USP34: variants seen among roughly 807,000 people sequenced by gnomAD.
USP34 encodes the protein ubiquitin carboxyl-terminal hydrolase 34.
A neutral mutation model predicts 460.3 loss-of-function variants in USP34; 70 were observed. The observed-to-expected ratio is 0.15, with a 90% CI of 0.13 to 0.19. The LOEUF (loss-of-function observed/expected upper bound fraction) is 0.19. Among genes scored for constraint, USP34 ranks in the 10% least tolerant of loss-of-function variants. USP34 has a pLI of 1.00. For synonymous variants in USP34, 1,647 were observed against 1,405.3 expected, an observed-to-expected ratio of 1.17 and a Z score of -3.85; for missense variants, 3,985 against 4,236.2, an observed-to-expected ratio of 0.94 and a Z score of 1.65.
At chr2:61,342,072 T>C (rs1387528323) in intron 16 of USP34, among the ~76,000 whole-genome samples, 1 of 152,074 alleles carries the variant, frequency 6.6e-6, no homozygotes, top group Non-Finnish European at 1.5e-5. Context: ...GATTTCTTTA[T>C]AGCAACACAA....
At chr2:61,229,378 T>G (rs144066402) in intron 59 of USP34, among the ~76,000 whole-genome samples, 170 bp downstream of exon 59, 3 of 149,916 alleles carry the variant, frequency 2.0e-5, no homozygotes, top group Non-Finnish European at 4.4e-5. Flanking sequence ...TCCTAGCAAT[T>G]TGGGAGGCCG....
Position 61,339,396 on chromosome 2 carries a change from C to A in USP34, c.2699G>T (p.Arg900Leu). Residue 900 changes from arginine (R) to leucine (L), a missense_variant, in exon 18 of 80, where the codon CGA (arginine) becomes CTA (leucine). Arg to Leu is a moderately radical substitution (Grantham distance 102). Coordinates refer to ENST00000398571, the MANE Select transcript of USP34 (RefSeq NM_014709.4). ...AAGGCAACCTTCAATGAATCTCATT[C>A]GAATTTGTCTATCTGTAAACCAACA... is the stretch of plus-strand genomic sequence containing the variant. Reference protein sequence around the residue: ...LVCWFTDRQIRMRFIEGCLEN... With the variant: ...LVCWFTDRQILMRFIEGCLEN... 1.2e-6 allele frequency: 2 copies of A among 1,609,148 alleles called. No individual in the cohort carries two copies. The highest frequency in any genetic ancestry group is 1.7e-6 in the Non-Finnish European group (2 of 1,178,014).
chr2:61,410,749 A>G (rs1219745375), intron 2 of USP34, among the ~76,000 whole-genome samples: 1 of 152,226 alleles, frequency 6.6e-6, no homozygotes, highest in Admixed American at 6.5e-5. Context: ...AGAAGATGAC[A>G]GCTATCAACA....
At chr2:61,400,846 CCT>C (rs1230465495) in intron 3 of USP34, among the ~76,000 whole-genome samples, 1 of 151,868 alleles carries the variant, frequency 6.6e-6, no homozygotes, top group Non-Finnish European at 1.5e-5. Flanking sequence ...AGAGGAAGAC[CCT>C]GATTCAAAAA....
At chr2:61,271,604 GA>G (rs1414033780) in intron 41 of USP34, among the ~76,000 whole-genome samples, 1 of 151,994 alleles carries the variant, frequency 6.6e-6, no homozygotes, top group Non-Finnish European at 1.5e-5. Flanking sequence ...AGGAAAAAAG[GA>G]AGAAAAAGGA....
chr2:61,204,151 C>T (rs535508336), intron 74 of USP34, 105 bp downstream of exon 74: 11 of 1,437,994 alleles, frequency 7.6e-6, no homozygotes, highest in Non-Finnish European at 9.5e-6. Flanking sequence ...TCTTAGGATC[C>T]ACAAAATTGG....
At chr2:61,334,566 C>G (rs549811848) in intron 18 of USP34, among the ~76,000 whole-genome samples, 2 of 152,220 alleles carry the variant, frequency 1.3e-5, no homozygotes, top group Admixed American at 6.5e-5. Context: ...TTATTTTAAT[C>G]TTAGAAGCCA....
At chr2:61,248,122 G>A (rs1688469155) in intron 49 of USP34, among the ~76,000 whole-genome samples, 1 of 145,216 alleles carries the variant, frequency 6.9e-6, no homozygotes, top group African/African-American at 2.5e-5. Context: ...GGGAGGTGGA[G>A]TGAGCCAAGA....
chr2:61,297,499 C>CA (rs1215633884), intron 29 of USP34, among the ~76,000 whole-genome samples: 1 of 152,096 alleles, frequency 6.6e-6, no homozygotes, highest in African/African-American at 2.4e-5. Flanking sequence ...AACAACGTTT[C>CA]AAAAACCACT....
At chr2:61,347,711 A>G (rs1691814999) in intron 15 of USP34, among the ~76,000 whole-genome samples, 159 bp downstream of exon 15, 1 of 152,192 alleles carries the variant, frequency 6.6e-6, no homozygotes, top group South Asian at 2.1e-4. Flanking sequence ...AATGTGCCCA[A>G]TAGAAAACTT....
chr2:61,343,072 T>G (rs1357560721), intron 16 of USP34, among the ~76,000 whole-genome samples: 2 of 152,220 alleles, frequency 1.3e-5, no homozygotes, highest in African/African-American at 2.4e-5. Context: ...CTAAGTGTGT[T>G]TATGGCCTCT....
chr2:61,400,960 G>T (rs1693698727), intron 3 of USP34, among the ~76,000 whole-genome samples: 2 of 151,914 alleles, frequency 1.3e-5, no homozygotes, highest in African/African-American at 4.8e-5. Flanking sequence ...GACCATCCTG[G>T]CCAACATGGT....
chr2:61,435,676 G>T (rs754637168), intron 1 of USP34, among the ~76,000 whole-genome samples: 6 of 152,118 alleles, frequency 3.9e-5, no homozygotes, highest in Non-Finnish European at 5.9e-5. Flanking sequence ...AATGGCAGGA[G>T]TAAGTCCTCA....
At chr2:61,350,795 C>T in intron 10 of USP34, 102 bp from the exon 11 acceptor site, 4 of 1,241,726 alleles carry the variant, frequency 3.2e-6, no homozygotes, top group Non-Finnish European at 4.4e-6. Context: ...GGCCAGTACA[C>T]TAATATTTTT....
At position 61,223,300 on chromosome 2, in the gene USP34, A is replaced by C; in HGVS notation, c.7596-4T>G. 6.2e-7 allele frequency: 1 copy of C among 1,613,270 alleles called. No individual in the cohort carries two copies. Among genetic ancestry groups the C allele is most frequent in the South Asian group, 1.1e-5 (1 of 90,842 alleles). On this transcript the variant is annotated splice_polypyrimidine_tract_variant and splice_region_variant and intron_variant, in intron 62 of 79. Coordinates refer to ENST00000398571, the MANE Select transcript of USP34 (RefSeq NM_014709.4). ...AGTCTGTGATAATGTCAAATGCCTG[A>C]AAGAAAATATTAGTGGAAATAAGTT...
At position 61,447,253 on chromosome 2, in the gene USP34, CCAAAAAAAAAAAAA is replaced by C. The variant is rs1455499369; in HGVS notation, c.43+23383_43+23396del. On this transcript the variant is annotated intron_variant, in intron 1 of 79. Transcript: ENST00000398571. ...CTGGGCAACAGAGTGAAACTGTCTTCCAAAAAAAAAAAAAAAAAAAAAAAAAAAACCAGAAAACA... is the reference window on the plus strand; with the variant it reads ...CTGGGCAACAGAGTGAAACTGTCTTCAAAAAAAAAAAAAAACCAGAAAACA... Among the ~76,000 whole-genome samples the C allele has an allele frequency of 2.4e-4, 7 of 29,718 alleles. 1 individual carries two copies. Among genetic ancestry groups the C allele is most frequent in the Middle Eastern group, 0.036 (1 of 28 alleles). The allele number at this position is 29,718 out of a possible 152,430, so 19.5% of individuals were successfully genotyped here.
chr2:61,268,203 T>A (rs377045915), intron 41 of USP34, among the ~76,000 whole-genome samples: 1 of 152,006 alleles, frequency 6.6e-6, no homozygotes, highest in Non-Finnish European at 1.5e-5. Flanking sequence ...AAAAGAACTG[T>A]TGTCTTAGTC....
intron 44 of USP34, 45 bp downstream of exon 44, chr2:61,259,666 A>G (rs1454327934): frequency 6.3e-7 from 1 of 1,584,102 alleles, no homozygotes; most frequent in Non-Finnish European, 8.6e-7. Context: ...AATTACAGGC[A>G]TGAGCCACAG....
At chr2:61,255,448 T>G (rs1688699233) in intron 48 of USP34, among the ~76,000 whole-genome samples, 1 of 152,324 alleles carries the variant, frequency 6.6e-6, no homozygotes, top group African/African-American at 2.4e-5. Flanking sequence ...ATTATCTCCC[T>G]GAAATTTGCT....
Sources: allele counts gnomAD v4.1 joint callset (sites outside exome capture counted in the v4.1 genomes callset), GRCh38; gene constraint gnomAD v4.1.1; transcripts MANE v1.5; gene names NCBI Gene and HGNC (gene_info 2026-07-23, HGNC 2026-07-21).